Variants in RABGEF1 observed in about 807,000 individuals in gnomAD.
RABGEF1 encodes the protein RAB guanine nucleotide exchange factor 1.
A neutral mutation model predicts 57.3 loss-of-function variants in RABGEF1; 26 were observed. The ratio of observed to expected loss-of-function variants is 0.45; its 90% confidence interval spans 0.33 to 0.63. RABGEF1 has a LOEUF of 0.63. Among genes scored for constraint, RABGEF1 ranks in the 20% least tolerant of loss-of-function variants. The probability of loss-of-function intolerance (pLI) is 0.02; values close to 1 mark genes in which losing one functional copy is unlikely to be tolerated. For missense variants in RABGEF1, 464 were observed against 607.6 expected, an observed-to-expected ratio of 0.76 and a Z score of 2.48; for synonymous variants, 185 against 210.7, an observed-to-expected ratio of 0.88 and a Z score of 1.06.
chr7:66,782,362 T>A (rs549557490), intron 3 of RABGEF1, among the ~76,000 whole-genome samples: 7 of 152,308 alleles, frequency 4.6e-5, no homozygotes, highest in African/African-American at 1.7e-4. Context: ...GTTACTAGTT[T>A]CTTGTGTATC....
chr7:66,738,020 TTTG>T (rs371428913), upstream of RABGEF1, among the ~76,000 whole-genome samples: 4 of 139,742 alleles, frequency 2.9e-5, no homozygotes, highest in African/African-American at 5.1e-5. Flanking sequence ...TTTTGTTTTT[TTTG>T]TTTTTTTTTT....
chr7:66,734,044 C>T (rs913247413), intron 2 of RABGEF1, among the ~76,000 whole-genome samples: 1 of 152,194 alleles, frequency 6.6e-6, no homozygotes, highest in East Asian at 1.9e-4. Context: ...AGGCAGTCAT[C>T]AGCCTGGTTT....
rs768012144 is a variant in RABGEF1 at position 66,775,371 on chromosome 7, T to A, written c.324T>A (p.Ser108=). ...CAGTGAAGAAATTCTTCAGTGCATC[T>A]TCCAGGGTCGGATCAAAGAAGGGTA... ...VTTVKKFFSA[S]SRVGSKKEIQ... is the part of the protein sequence containing the mutation. The change falls in exon 3 of 9, where the codon TCT becomes TCA. Residue 108 remains serine, a synonymous_variant. Coordinates refer to ENST00000284957, the MANE Select transcript of RABGEF1 (RefSeq NM_014504.3). The A allele has an allele frequency of 6.2e-7, 1 of 1,613,918 alleles. No homozygotes were observed. The highest frequency in any genetic ancestry group is 8.5e-7 in the Non-Finnish European group (1 of 1,179,816).
the RABGEF1 span, among the ~76,000 whole-genome samples, chr7:66,671,043 A>G: frequency 6.6e-6 from 1 of 151,402 alleles, no homozygotes. Context: ...AGAGAGAGAG[A>G]TAGAGAGATG....
At chr7:66,659,101 C>G in the RABGEF1 span, among the ~76,000 whole-genome samples, 642 of 152,238 alleles carry the variant, frequency 4.2e-3, 2 homozygotes, top group Non-Finnish European at 5.5e-3. Flanking sequence ...CAGACAAAGA[C>G]AGTACAAGAA....
chr7:66,657,762 A>C, the RABGEF1 span, among the ~76,000 whole-genome samples: 1 of 152,196 alleles, frequency 6.6e-6, no homozygotes, highest in East Asian at 1.9e-4. Context: ...GGGAGGTTGC[A>C]GTGAGCCGAG....
chr7:66,717,119 T>G (rs1169431636), intron 2 of RABGEF1, among the ~76,000 whole-genome samples: 1 of 152,224 alleles, frequency 6.6e-6, no homozygotes, highest in African/African-American at 2.4e-5. Flanking sequence ...TTTCCTGCCT[T>G]CTTTTGGGTT....
chr7:66,660,620 C>T, the RABGEF1 span, among the ~76,000 whole-genome samples: 8 of 151,558 alleles, frequency 5.3e-5, no homozygotes, highest in Admixed American at 1.3e-4. Flanking sequence ...GGGACAAGAG[C>T]GAGACTTCTC....
intron 8 of RABGEF1, among the ~76,000 whole-genome samples, chr7:66,806,108 A>G (rs543025522): frequency 6.6e-6 from 1 of 152,134 alleles, no homozygotes; most frequent in Non-Finnish European, 1.5e-5. Flanking sequence ...TGTACTGTAA[A>G]GCTAATGAAT....
chr7:66,753,282 C>A (rs1801858358), intron 1 of RABGEF1, among the ~76,000 whole-genome samples: 1 of 152,264 alleles, frequency 6.6e-6, no homozygotes, highest in South Asian at 2.1e-4. Context: ...AGGACTGTTG[C>A]TTGCTAACTG....
At chr7:66,696,949 A>C (rs1239658307) in intron 1 of RABGEF1, among the ~76,000 whole-genome samples, 1 of 152,052 alleles carries the variant, frequency 6.6e-6, no homozygotes, top group Non-Finnish European at 1.5e-5. Flanking sequence ...GCCATGGGGG[A>C]TGGGGAGCAA....
intron 1 of RABGEF1, among the ~76,000 whole-genome samples, chr7:66,741,292 C>T (rs1798884610): frequency 1.3e-5 from 2 of 152,154 alleles, no homozygotes; most frequent in Non-Finnish European, 1.5e-5. Flanking sequence ...TCCCACGTCA[C>T]CCTAGGGGGC....
chr7:66,771,812 G>T, intron 1 of RABGEF1, 71 bp from the exon 2 acceptor site: 3 of 1,168,456 alleles, frequency 2.6e-6, no homozygotes, highest in Admixed American at 3.3e-5. Context: ...CTCACTTTTT[G>T]TTCATAATTG....
At chr7:66,733,531 C>G (rs1797584066) in intron 2 of RABGEF1, among the ~76,000 whole-genome samples, 1 of 151,984 alleles carries the variant, frequency 6.6e-6, no homozygotes, top group Admixed American at 6.6e-5. Context: ...ACCCCCATCT[C>G]TACTAAAAAT....
At chr7:66,674,518 G>C in the RABGEF1 span, among the ~76,000 whole-genome samples, 1 of 152,004 alleles carries the variant, frequency 6.6e-6, no homozygotes, top group Admixed American at 6.6e-5. Flanking sequence ...GTTCATCCCA[G>C]CTTTACTCAT....
intron 3 of RABGEF1, among the ~76,000 whole-genome samples, chr7:66,779,553 C>G (rs1809358250): frequency 6.6e-6 from 1 of 151,468 alleles, no homozygotes. Flanking sequence ...GTGCCTGTAG[C>G]CCCAACTACT....
At chr7:66,756,023 A>G in intron 1 of RABGEF1, 2 of 1,475,056 alleles carry the variant, frequency 1.4e-6, no homozygotes, top group East Asian at 2.5e-5. Flanking sequence ...TGGATTACAG[A>G]TTGCAAATGC....
intron 3 of RABGEF1, among the ~76,000 whole-genome samples, chr7:66,776,864 G>A (rs767656600): frequency 1.3e-5 from 2 of 152,192 alleles, no homozygotes; most frequent in African/African-American, 2.4e-5. Flanking sequence ...ATTAGGAGGT[G>A]GAATAGCCAG....
the RABGEF1 span, among the ~76,000 whole-genome samples, chr7:66,659,848 T>C: frequency 6.6e-6 from 1 of 151,442 alleles, no homozygotes; most frequent in African/African-American, 2.4e-5. Flanking sequence ...CTATACACTT[T>C]AAAGGACCTA....
Sources: gnomAD v4.1 joint callset for allele counts (sites outside exome capture counted in the v4.1 genomes callset) on GRCh38, gnomAD v4.1.1 for gene constraint, MANE v1.5 for transcripts, NCBI Gene and HGNC (gene_info 2026-07-23, HGNC 2026-07-21) for gene names.